PROM1: variants seen among roughly 807,000 people sequenced by gnomAD.
PROM1 encodes the protein prominin 1, also known as prominin-1.
In PROM1, 105 loss-of-function variants were observed where a neutral mutation model predicts 116.9. The ratio of observed to expected loss-of-function variants is 0.90; its 90% CI spans 0.77 to 1.06. The LOEUF (loss-of-function observed/expected upper bound fraction) is 1.06. PROM1 is among the 50% of genes least tolerant of loss of function. PROM1 has a pLI of 0.00. For missense variants in PROM1, 1,122 were observed against 1,045.2 expected (o/e 1.07, Z -1.01); for synonymous variants, 393 against 387.0 (o/e 1.02, Z -0.18).
Position 16,001,868 on chromosome 4 carries a change from A to G in PROM1, c.1455-1249T>C, listed in dbSNP as rs891912948. On this transcript the variant is annotated intron_variant, in intron 13 of 27. Transcript: ENST00000447510. ...GAAGGGAGAGAACAGAGCCTGGTTAAGTATTGAGTGAAAGTCAAGGAGACA... is the reference window on the plus strand; with the variant it reads ...GAAGGGAGAGAACAGAGCCTGGTTAGGTATTGAGTGAAAGTCAAGGAGACA... Among the ~76,000 whole-genome samples, 6 of 152,188 alleles carry G rather than the reference A, an allele frequency of 3.9e-5. 1 individual carries two copies. The highest frequency in any genetic ancestry group is 1.4e-4 in the African/African-American group (6 of 41,444).
chr4:16,011,637 T>TA (rs1726913044), intron 11 of PROM1, among the ~76,000 whole-genome samples: 1 of 152,112 alleles, frequency 6.6e-6, no homozygotes, highest in African/African-American at 2.4e-5. Flanking sequence ...ACCAAAAAAT[T>TA]AAACACAGAG....
intron 8 of PROM1, among the ~76,000 whole-genome samples, chr4:16,023,089 G>A (rs560046053): frequency 2.7e-5 from 1 of 36,706 alleles, no homozygotes; most frequent in Admixed American, 3.9e-4. Context: ...AACAGGTGGT[G>A]GGCCCCTAAC....
chr4:16,017,668 A>G (rs1462842939), intron 9 of PROM1, among the ~76,000 whole-genome samples: 1 of 152,186 alleles, frequency 6.6e-6, no homozygotes. Flanking sequence ...TAAAAATACG[A>G]AAATTAGCCA....
chr4:15,991,813 G>A (rs1036176543), intron 17 of PROM1, among the ~76,000 whole-genome samples: 2 of 151,868 alleles, frequency 1.3e-5, no homozygotes, highest in Non-Finnish European at 2.9e-5. Context: ...GCAGGCGCCT[G>A]TAGTCCCAGC....
chr4:15,980,490 C>T lies in PROM1; in HGVS notation c.2421G>A (p.Pro807=), dbSNP rs1168993426. The change falls in exon 24 of 28, where the codon CCG becomes CCA. Residue 807 remains proline (P), a synonymous_variant. Transcript: ENST00000447510. ...GIGKATVFLL[P]ALIFAVKLAK... ...CCAGTTTTACCGCAAAAATTAGAGC[C>T]GGAAGTAAAAATACAGTAGCTTTTC... 12 of 1,555,386 alleles carry T rather than the reference C, an allele frequency of 7.7e-6. No individual in the cohort carries two copies. The highest frequency in any genetic ancestry group is 1.0e-5 in the Non-Finnish European group (12 of 1,148,846).
rs113895168 is a variant in PROM1, at chr4:16,000,577, G to T, written c.1497C>A (p.Ile499=). ...CAAAGACAAAGGTAAGAACCACAATGATCATCAATATCCAGCAAAAGAGGA... is the reference window on the plus strand; with the variant it reads ...CAAAGACAAAGGTAAGAACCACAATTATCATCAATATCCAGCAAAAGAGGA... The part of the protein sequence containing the change: ...LSFLFCWILM[I]IVVLTFVFGA... Residue 499 remains isoleucine (I), a synonymous_variant, in exon 14 of 28, where the codon ATC becomes ATA. Coordinates refer to ENST00000447510, the MANE Select transcript of PROM1 (RefSeq NM_006017.3). 1.3e-6 allele frequency: 2 copies of T among 1,586,860 alleles called. No individual in the cohort carries two copies. The highest frequency in any genetic ancestry group is 1.7e-6 in the Non-Finnish European group (2 of 1,157,002).
At chr4:16,047,162 C>CT (rs1736740617) in intron 2 of PROM1, among the ~76,000 whole-genome samples, 1 of 152,120 alleles carries the variant, frequency 6.6e-6, no homozygotes, top group Admixed American at 6.5e-5. Flanking sequence ...CTCTTGAGGC[C>CT]TTTCAACTGA....
At chr4:15,981,222 A>G (rs974248913) in intron 23 of PROM1, among the ~76,000 whole-genome samples, 2 of 150,030 alleles carry the variant, frequency 1.3e-5, no homozygotes, top group Non-Finnish European at 3.0e-5. Flanking sequence ...CGGCCTCCCA[A>G]AGTGCTGAGA....
At chr4:15,991,976 G>T (rs1430670583) in intron 17 of PROM1, among the ~76,000 whole-genome samples, 1 of 150,294 alleles carries the variant, frequency 6.7e-6, no homozygotes, top group Admixed American at 6.6e-5. Flanking sequence ...ACAGATGGGT[G>T]GTTGGGTGGT....
At chr4:15,988,213 C>T (rs1280264522) in intron 19 of PROM1, among the ~76,000 whole-genome samples, 1 of 152,050 alleles carries the variant, frequency 6.6e-6, no homozygotes, top group African/African-American at 2.4e-5. Flanking sequence ...TGTAAGAAAA[C>T]CTGAAGAAAA....
intron 25 of PROM1, 107 bp from the exon 26 acceptor site, chr4:15,979,570 T>C: frequency 1.4e-6 from 2 of 1,411,318 alleles, no homozygotes; most frequent in South Asian, 3.5e-5. Flanking sequence ...TATGTAACAA[T>C]TTGTTAAATC....
chr4:16,015,718 A>AAAAG (rs1560490387), intron 10 of PROM1, among the ~76,000 whole-genome samples: 3 of 151,656 alleles, frequency 2.0e-5, no homozygotes, highest in Non-Finnish European at 2.9e-5. Context: ...AAACAAAAAA[A>AAAAG]CAACTAAGTA....
At chr4:16,071,368 C>T (rs966574410) in intron 2 of PROM1, among the ~76,000 whole-genome samples, 3 of 152,226 alleles carry the variant, frequency 2.0e-5, no homozygotes, top group Non-Finnish European at 2.9e-5. Context: ...GGTCCTCCAG[C>T]TCTGGTTCTC....
chr4:16,063,341 T>C (rs562778648), intron 2 of PROM1, among the ~76,000 whole-genome samples: 1 of 152,340 alleles, frequency 6.6e-6, no homozygotes, highest in South Asian at 2.1e-4. Context: ...CTCACGACTG[T>C]AATCCCCCAC....
At chr4:16,070,388 G>A (rs1446655355) in intron 2 of PROM1, among the ~76,000 whole-genome samples, 4 of 152,082 alleles carry the variant, frequency 2.6e-5, no homozygotes, top group African/African-American at 9.7e-5. Flanking sequence ...TAGAGCAGAG[G>A]GGACTTTGTT....
At chr4:16,077,267 G>A (rs1316767361) in intron 1 of PROM1, among the ~76,000 whole-genome samples, 3 of 152,230 alleles carry the variant, frequency 2.0e-5, no homozygotes, top group Non-Finnish European at 2.9e-5. Context: ...TGGGACATGC[G>A]GGCAACAATG....
chr4:15,982,331 T>C (rs1718179238), intron 23 of PROM1, among the ~76,000 whole-genome samples: 1 of 152,204 alleles, frequency 6.6e-6, no homozygotes, highest in African/African-American at 2.4e-5. Flanking sequence ...CACCACCTCT[T>C]GGCTCCTAAC....
intron 20 of PROM1, among the ~76,000 whole-genome samples, 200 bp downstream of exon 20, chr4:15,987,463 C>T (rs1209993593): frequency 6.6e-6 from 1 of 152,126 alleles, no homozygotes; most frequent in African/African-American, 2.4e-5. Flanking sequence ...TATCTAATAG[C>T]CTGCTAAGAT....
intron 2 of PROM1, among the ~76,000 whole-genome samples, chr4:16,072,984 T>C (rs1743139904): frequency 4.6e-5 from 7 of 152,118 alleles, no homozygotes. Flanking sequence ...CACTCCCCAC[T>C]TTCTAATCCC....
Sources: gnomAD v4.1 joint callset for allele counts (sites outside exome capture counted in the v4.1 genomes callset) on GRCh38, gnomAD v4.1.1 for gene constraint, MANE v1.5 for transcripts, NCBI Gene and HGNC (gene_info 2026-07-23, HGNC 2026-07-21) for gene names.